The following ENTREP2 variants were observed in gnomAD, a reference collection of about 807,000 sequenced individuals.
The protein encoded by ENTREP2 is protein ENTREP2.
chr15:29,144,223 C>G, the ENTREP2 span, among the ~76,000 whole-genome samples: 1 of 152,148 alleles, frequency 6.6e-6, no homozygotes, highest in Non-Finnish European at 1.5e-5. Context: ...GTTTCACACA[C>G]ACATACACAT....
At chr15:29,148,273 G>C in the ENTREP2 span, among the ~76,000 whole-genome samples, 3 of 152,130 alleles carry the variant, frequency 2.0e-5, no homozygotes, top group Non-Finnish European at 4.4e-5. Flanking sequence ...TTAAATGGAG[G>C]AATTGTATGA....
chr15:29,149,123 G>A, the ENTREP2 span, among the ~76,000 whole-genome samples: 2 of 151,920 alleles, frequency 1.3e-5, no homozygotes, highest in East Asian at 3.9e-4. Context: ...GTGATCTGCC[G>A]GCCTCCCAAA....
the ENTREP2 span, among the ~76,000 whole-genome samples, chr15:29,647,848 G>A: frequency 1.2e-3 from 186 of 152,256 alleles, 1 homozygote; most frequent in Middle Eastern, 3.4e-3. Flanking sequence ...TTGCCAAGAG[G>A]TGGGACATGA....
chr15:29,661,495 G>A, the ENTREP2 span, among the ~76,000 whole-genome samples: 2 of 152,088 alleles, frequency 1.3e-5, no homozygotes, highest in South Asian at 2.1e-4. Flanking sequence ...CACCACACCC[G>A]GCCGAGAAGA....
At chr15:29,617,046 T>G in the ENTREP2 span, among the ~76,000 whole-genome samples, 3 of 152,220 alleles carry the variant, frequency 2.0e-5, no homozygotes, top group Admixed American at 2.0e-4. Context: ...GGCAACTGAG[T>G]GAGACGCCCT....
the ENTREP2 span, among the ~76,000 whole-genome samples, chr15:29,477,645 A>G: frequency 2.0e-5 from 3 of 152,126 alleles, no homozygotes; most frequent in African/African-American, 7.2e-5. Flanking sequence ...CATGGCTGAG[A>G]AAAAGCTGCA....
At chr15:29,644,336 A>T in the ENTREP2 span, among the ~76,000 whole-genome samples, 1 of 152,326 alleles carries the variant, frequency 6.6e-6, no homozygotes, top group South Asian at 2.1e-4. Context: ...ACGTTCTAAA[A>T]TGGATTATGT....
the ENTREP2 span, among the ~76,000 whole-genome samples, chr15:29,332,255 A>C: frequency 4.0e-5 from 6 of 151,044 alleles, no homozygotes; most frequent in African/African-American, 1.5e-4. Context: ...AAAATTCAGC[A>C]AAAAAAAAGA....
At chr15:29,564,313 A>C in the ENTREP2 span, among the ~76,000 whole-genome samples, 1 of 152,206 alleles carries the variant, frequency 6.6e-6, no homozygotes, top group African/African-American at 2.4e-5. Context: ...TTCCAAGGCT[A>C]TATGCTCTCA....
chr15:29,468,547 T>C, the ENTREP2 span, among the ~76,000 whole-genome samples: 555 of 151,206 alleles, frequency 3.7e-3, 4 homozygotes, highest in African/African-American at 0.013. Flanking sequence ...GAGGCAGAGA[T>C]TGCAGTGAGC....
At chr15:29,269,313 G>C in the ENTREP2 span, 1 of 1,614,178 alleles carries the variant, frequency 6.2e-7, no homozygotes. Flanking sequence ...GGAGGCGCTC[G>C]GCGGCCCGTT....
the ENTREP2 span, among the ~76,000 whole-genome samples, chr15:29,674,704 C>CG: frequency 8.3e-4 from 93 of 111,708 alleles, no homozygotes; most frequent in African/African-American, 1.7e-3. Context: ...GGAGGCATGC[C>CG]GGGGGGGCGG....
the ENTREP2 span, among the ~76,000 whole-genome samples, chr15:29,404,042 G>A: frequency 7.9e-5 from 12 of 152,292 alleles, no homozygotes; most frequent in African/African-American, 2.6e-4. Context: ...CACCCACAGA[G>A]ACTGGAGTGC....
the ENTREP2 span, chr15:29,196,764 T>C: frequency 3.3e-5 from 17 of 512,422 alleles, no homozygotes; most frequent in Non-Finnish European, 5.0e-5. Flanking sequence ...TTAACAGCAA[T>C]GTATAGAAAA....
At chr15:29,144,038 G>C in the ENTREP2 span, among the ~76,000 whole-genome samples, 2 of 152,206 alleles carry the variant, frequency 1.3e-5, no homozygotes, top group Admixed American at 6.5e-5. Context: ...CCAGAAGCTG[G>C]CCATGGTGTG....
chr15:29,174,494 C>T, the ENTREP2 span, among the ~76,000 whole-genome samples: 1 of 152,104 alleles, frequency 6.6e-6, no homozygotes. Flanking sequence ...TGAGACCATC[C>T]TGGCTAACAC....
the ENTREP2 span, among the ~76,000 whole-genome samples, chr15:29,579,553 T>G: frequency 1.4e-5 from 2 of 147,744 alleles, no homozygotes; most frequent in African/African-American, 5.0e-5. Flanking sequence ...GGAGTCTCGC[T>G]CTGTCCCTCA....
the ENTREP2 span, among the ~76,000 whole-genome samples, chr15:29,195,955 TAAAA>T: frequency 6.6e-6 from 1 of 152,164 alleles, no homozygotes; most frequent in Non-Finnish European, 1.5e-5. Context: ...GAAGAAAAAA[TAAAA>T]TAATATAAAC....
chr15:29,157,372 C>T, the ENTREP2 span, among the ~76,000 whole-genome samples: 1 of 152,220 alleles, frequency 6.6e-6, no homozygotes, highest in Non-Finnish European at 1.5e-5. Context: ...CTGGGGGCCT[C>T]CGCAGGCTCC....
Sources: allele counts gnomAD v4.1 joint callset (sites outside exome capture counted in the v4.1 genomes callset), GRCh38; gene constraint gnomAD v4.1.1; transcripts MANE v1.5; gene names NCBI Gene and HGNC (gene_info 2026-07-23, HGNC 2026-07-21).